The following ROBO2 variants were observed in gnomAD, a reference collection of about 807,000 sequenced individuals.
The protein encoded by ROBO2 is roundabout homolog 2.
In ROBO2, 53 loss-of-function variants were observed where a neutral mutation model predicts 160.8. That is an observed-to-expected ratio of 0.33 (90% CI 0.26 to 0.41). The LOEUF (loss-of-function observed/expected upper bound fraction) is 0.41, where lower values mean the gene tolerates loss of function less well. Ranked by LOEUF, ROBO2 falls within the 10% of genes least tolerant of loss-of-function variation. The pLI is 1.00. For missense variants in ROBO2, 1,577 were observed against 1,722.4 expected (o/e 0.92, Z 1.49); for synonymous variants, 664 against 611.7 (o/e 1.09, Z -1.26).
chr3:77,227,853 G>A (rs1019808199), intron 2 of ROBO2, among the ~76,000 whole-genome samples: 4 of 152,170 alleles, frequency 2.6e-5, no homozygotes, highest in Non-Finnish European at 5.9e-5. Context: ...ACTAGTTTTC[G>A]CATGTATGCA....
chr3:76,098,121 C>T (rs969437832), intron 2 of ROBO2, among the ~76,000 whole-genome samples: 2 of 152,060 alleles, frequency 1.3e-5, no homozygotes, highest in South Asian at 4.1e-4. Context: ...TGTAGGTGTA[C>T]GTGTTAATAT....
intron 2 of ROBO2, among the ~76,000 whole-genome samples, chr3:77,397,912 G>C (rs913031102): frequency 6.6e-6 from 1 of 151,748 alleles, no homozygotes; most frequent in Admixed American, 6.6e-5. Flanking sequence ...GAAAAATTAG[G>C]AGCAACAAAG....
At chr3:76,674,063 C>T (rs943847812) in intron 2 of ROBO2, among the ~76,000 whole-genome samples, 22 of 151,924 alleles carry the variant, frequency 1.4e-4, no homozygotes, top group Non-Finnish European at 1.5e-5. Flanking sequence ...AATTGTCATT[C>T]ATTTTATATA....
At chr3:76,655,438 C>CTATATATATATATATATATATATA (rs1192030281) in intron 2 of ROBO2, among the ~76,000 whole-genome samples, 1 of 15,010 alleles carries the variant, frequency 6.7e-5, no homozygotes, top group Admixed American at 8.7e-4. Flanking sequence ...GGATTTTTTT[C>CTATATATATATATATATATATATA]CATATATATA....
chr3:76,190,929 T>C (rs1432663451), intron 2 of ROBO2, among the ~76,000 whole-genome samples: 1 of 152,158 alleles, frequency 6.6e-6, no homozygotes, highest in Non-Finnish European at 1.5e-5. Flanking sequence ...TTTGATTGCT[T>C]AGACTTTTTT....
In ROBO2 at chr3:76,735,767, AAAAAAAAAG is replaced by A. The variant is rs1276293555; in HGVS notation, c.110-362238_110-362230del. 1.8e-4 allele frequency among the ~76,000 whole-genome samples: 10 copies of A among 56,474 alleles called. 1 individual carries two copies. The highest frequency in any genetic ancestry group is 4.4e-4 in the Admixed American group (2 of 4,556). The allele number at this position is 56,474 out of a possible 152,430, so 37.0% of individuals were successfully genotyped here. A position where few individuals can be genotyped will look rare whatever the true frequency, so the allele number is the denominator to read the frequency against. On this transcript the variant is annotated intron_variant, in intron 2 of 26. Transcript: ENST00000487694. ...GGAGGGAGACCCTGTCTCAAAAAAAAAAAAAAAAGAAAAAAAAAAGGGGAAAGGGAAAAG... is the reference window on the plus strand; with the variant it reads ...GGAGGGAGACCCTGTCTCAAAAAAAAAAAAAAAAAAGGGGAAAGGGAAAAG...
chr3:77,210,333 C>T (rs938533276), intron 2 of ROBO2, among the ~76,000 whole-genome samples: 1 of 151,962 alleles, frequency 6.6e-6, no homozygotes, highest in Admixed American at 6.6e-5. Flanking sequence ...TGTTCTTCAA[C>T]ATATTTTGTA....
chr3:76,825,256 TG>T (rs2109210506), intron 2 of ROBO2, among the ~76,000 whole-genome samples: 1 of 152,286 alleles, frequency 6.6e-6, no homozygotes, highest in South Asian at 2.1e-4. Flanking sequence ...AGAATGGATT[TG>T]AGCCTGAAAG....
At chr3:76,990,246 T>C (rs1286788832) in intron 2 of ROBO2, among the ~76,000 whole-genome samples, 1 of 152,228 alleles carries the variant, frequency 6.6e-6, no homozygotes, top group Non-Finnish European at 1.5e-5. Context: ...TCTTAGCTGG[T>C]CTTTCTTCAA....
At chr3:76,037,290 C>T (rs1010610359) in intron 2 of ROBO2, among the ~76,000 whole-genome samples, 1 of 145,638 alleles carries the variant, frequency 6.9e-6, no homozygotes, top group Middle Eastern at 3.4e-3. Flanking sequence ...CAGAGTATCA[C>T]TCTGTTTCCC....
intron 2 of ROBO2, among the ~76,000 whole-genome samples, chr3:76,917,220 A>G (rs1394507215): frequency 6.6e-6 from 1 of 152,152 alleles, no homozygotes; most frequent in African/African-American, 2.4e-5. Flanking sequence ...CCATTAAAGA[A>G]GAAAGTCTGG....
rs1382125697 is a variant in ROBO2, at chr3:76,005,314, TG to T, written c.109+67713del. Among the ~76,000 whole-genome samples, 4 of 152,314 alleles carry T rather than the reference TG, an allele frequency of 2.6e-5. No individual in the cohort carries two copies. The East Asian group carries it at 7.7e-4, about 29-fold the overall frequency. On this transcript the variant is annotated intron_variant, in intron 2 of 26. Coordinates refer to the ROBO2 transcript ENST00000487694. ...TGAGCAAGGACATGAACAGATGTTA[TG>T]TAAGAGAAAGGACTGGATCAGAACT...
intron 2 of ROBO2, among the ~76,000 whole-genome samples, chr3:76,123,259 G>C (rs755809852): frequency 2.0e-5 from 3 of 152,034 alleles, no homozygotes; most frequent in African/African-American, 7.2e-5. Flanking sequence ...TGCATTTTCC[G>C]TGTATTTTTC....
chr3:77,129,568 A>G (rs1379577845), intron 2 of ROBO2, among the ~76,000 whole-genome samples: 1 of 152,204 alleles, frequency 6.6e-6, no homozygotes, highest in Admixed American at 6.5e-5. Context: ...GGTTGGCGAG[A>G]GGACAGGTGA....
chr3:77,555,744 A>G (rs940933303), intron 8 of ROBO2, among the ~76,000 whole-genome samples: 3 of 152,082 alleles, frequency 2.0e-5, no homozygotes, highest in African/African-American at 7.2e-5. Context: ...TTGAGTATTT[A>G]TAATGCATAG....
chr3:76,313,785 G>C (rs549955445), intron 2 of ROBO2, among the ~76,000 whole-genome samples: 1 of 151,666 alleles, frequency 6.6e-6, no homozygotes, highest in East Asian at 1.9e-4. Context: ...ATGTGCATTT[G>C]TCTTAATCTG....
intron 2 of ROBO2, among the ~76,000 whole-genome samples, chr3:75,965,719 C>T (rs1019458475): frequency 6.6e-6 from 1 of 151,640 alleles, no homozygotes; most frequent in South Asian, 2.1e-4. Flanking sequence ...TATCTTCGAA[C>T]ATCCATATTT....
chr3:76,357,705 G>C (rs1408462546), intron 2 of ROBO2, among the ~76,000 whole-genome samples: 1 of 151,810 alleles, frequency 6.6e-6, no homozygotes, highest in Non-Finnish European at 1.5e-5. Flanking sequence ...TATGAACGAA[G>C]ATATCTCATT....
chr3:76,682,497 C>T (rs1177674804), intron 2 of ROBO2, among the ~76,000 whole-genome samples: 1 of 152,058 alleles, frequency 6.6e-6, no homozygotes, highest in African/African-American at 2.4e-5. Context: ...TGACCTCCAC[C>T]TCCTGGGTTC....
Sources: gnomAD v4.1 joint callset for allele counts (sites outside exome capture counted in the v4.1 genomes callset) on GRCh38, gnomAD v4.1.1 for gene constraint, MANE v1.5 for transcripts, NCBI Gene and HGNC (gene_info 2026-07-23, HGNC 2026-07-21) for gene names.